Variants in HHAT observed in about 807,000 individuals in gnomAD.
HHAT encodes protein-cysteine N-palmitoyltransferase HHAT.
A neutral mutation model predicts 70.8 loss-of-function variants in HHAT; 47 were observed. The observed-to-expected ratio is 0.66, with a 90% confidence interval of 0.53 to 0.85. The LOEUF (loss-of-function observed/expected upper bound fraction) is 0.85. HHAT is among the 40% of genes least tolerant of loss of function. The pLI, the probability that HHAT is intolerant of heterozygous loss-of-function variation, is 0.00. For missense variants in HHAT, 609 were observed against 604.8 expected (o/e 1.01, Z -0.07); for synonymous variants, 228 against 247.6 (o/e 0.92, Z 0.74).
chr1:210,645,010 T>C (rs1673740889), intron 11 of HHAT, among the ~76,000 whole-genome samples: 1 of 152,212 alleles, frequency 6.6e-6, no homozygotes, highest in Admixed American at 6.5e-5. Context: ...TGCACTTGCC[T>C]GGGCCTTTAA....
intron 3 of HHAT, among the ~76,000 whole-genome samples, chr1:210,383,972 G>A (rs927565002): frequency 1.3e-5 from 2 of 152,148 alleles, no homozygotes; most frequent in Non-Finnish European, 2.9e-5. Flanking sequence ...TCATTGTGGG[G>A]TGTGGTGGTC....
At chr1:210,608,975 AG>A (rs1666063299) in intron 10 of HHAT, among the ~76,000 whole-genome samples, 1 of 152,174 alleles carries the variant, frequency 6.6e-6, no homozygotes, top group Non-Finnish European at 1.5e-5. Context: ...TGCCAAGCGA[AG>A]GGGGAAGAGC....
chr1:210,433,752 A>T (rs1328241232), intron 7 of HHAT, among the ~76,000 whole-genome samples: 1 of 151,760 alleles, frequency 6.6e-6, no homozygotes, highest in Non-Finnish European at 1.5e-5. Flanking sequence ...TTTCAGGGTG[A>T]TGTTGATGAT....
chr1:210,578,675 G>A (rs1008094020), intron 9 of HHAT, among the ~76,000 whole-genome samples: 10 of 152,224 alleles, frequency 6.6e-5, no homozygotes, highest in South Asian at 2.1e-4. Context: ...TTGCAACATC[G>A]TGAATGAACA....
intron 1 of HHAT, among the ~76,000 whole-genome samples, chr1:210,338,315 G>C (rs1388723756): frequency 1.3e-5 from 2 of 152,178 alleles, no homozygotes; most frequent in Admixed American, 6.5e-5. Flanking sequence ...ATTCCAGCCT[G>C]AACAACAGAG....
intron 10 of HHAT, among the ~76,000 whole-genome samples, chr1:210,598,694 G>GA (rs1663566377): frequency 6.6e-6 from 1 of 152,206 alleles, no homozygotes; most frequent in African/African-American, 2.4e-5. Context: ...GCTGCTGTTG[G>GA]AGGATGGAGG....
Position 210,587,968 on chromosome 1 carries a change from T to A in HHAT, c.1114T>A (p.Phe372Ile). The A allele has an allele frequency of 6.2e-7, 1 of 1,614,072 alleles. No homozygotes were observed. Among genetic ancestry groups the A allele is most frequent in the Non-Finnish European group, 8.5e-7 (1 of 1,180,000 alleles). Residue 372 changes from phenylalanine (F) to isoleucine (I), a missense_variant, in exon 10 of 12, where the codon TTT becomes ATT. Phe to Ile is a conservative substitution (Grantham distance 21). Coordinates refer to ENST00000261458, the MANE Select transcript of HHAT (RefSeq NM_018194.6). ...GACACTGTTTTCCACGGCGATGACA[T>A]TTGCATTTGTGAGCTACTGGCATGG... The part of the protein sequence containing the change: ...LGTLFSTAMT[F>I]AFVSYWHGGY...
intron 7 of HHAT, among the ~76,000 whole-genome samples, chr1:210,458,330 A>G (rs2093912400): frequency 6.6e-6 from 1 of 152,204 alleles, no homozygotes; most frequent in Admixed American, 6.5e-5. Context: ...TTCAGCAAAT[A>G]CTCATTGCTT....
chr1:210,375,113 A>G (rs562132221), intron 3 of HHAT, among the ~76,000 whole-genome samples: 2 of 142,794 alleles, frequency 1.4e-5, no homozygotes, highest in East Asian at 3.9e-4. Flanking sequence ...GTGTATATGT[A>G]TATAGTTATA....
intron 6 of HHAT, among the ~76,000 whole-genome samples, chr1:210,408,748 C>T (rs1384143688): frequency 6.6e-6 from 1 of 152,158 alleles, no homozygotes; most frequent in African/African-American, 2.4e-5. Flanking sequence ...CAGTCAATGT[C>T]CCAGAAGCTT....
At chr1:210,372,634 C>T (rs1342846751) in intron 3 of HHAT, among the ~76,000 whole-genome samples, 6 of 152,176 alleles carry the variant, frequency 3.9e-5, no homozygotes, top group Admixed American at 2.0e-4. Context: ...ACGGAAGTTC[C>T]TTCTGAGGCT....
chr1:210,464,621 G>A lies in HHAT; in HGVS notation c.973G>A (p.Val325Met), dbSNP rs766259679. ...CACTCCACCCGCCCTCCCCCGCTGC[G>A]TGAGCACCATGTTCAGTTTCACCGG... Reference protein sequence around the residue: ...GLTPPALPRCVSTMFSFTGMW... With the variant: ...GLTPPALPRCMSTMFSFTGMW... The change falls in exon 8 of 12, where the codon GTG becomes ATG. Residue 325 changes from valine (V) to methionine (M), a missense_variant. Val to Met is a conservative substitution (Grantham distance 21). Coordinates refer to ENST00000261458, the MANE Select transcript of HHAT (RefSeq NM_018194.6). 16 of 1,614,046 alleles carry A rather than the reference G, an allele frequency of 9.9e-6. No individual in the cohort carries two copies. Among genetic ancestry groups the A allele is most frequent in the East Asian group, 4.5e-5 (2 of 44,888 alleles).
At chr1:210,356,083 C>A (rs771693161) in intron 2 of HHAT, among the ~76,000 whole-genome samples, 32 of 144,490 alleles carry the variant, frequency 2.2e-4, no homozygotes, top group Admixed American at 6.1e-4. Context: ...CACTTGCACA[C>A]TTGCTTGGCT....
At chr1:210,332,260 G>T (rs1258459420) in intron 1 of HHAT, among the ~76,000 whole-genome samples, 1 of 152,176 alleles carries the variant, frequency 6.6e-6, no homozygotes, top group Non-Finnish European at 1.5e-5. Flanking sequence ...TTTTCTGATA[G>T]GTAATCATTC....
chr1:210,388,956 T>C (rs1272705166), intron 4 of HHAT, among the ~76,000 whole-genome samples: 2 of 152,218 alleles, frequency 1.3e-5, no homozygotes, highest in Non-Finnish European at 2.9e-5. Context: ...AATTGCATAG[T>C]GGAAGAGTGC....
chr1:210,657,762 G>A (rs1676750198), intron 11 of HHAT, among the ~76,000 whole-genome samples: 1 of 152,174 alleles, frequency 6.6e-6, no homozygotes, highest in Non-Finnish European at 1.5e-5. Context: ...GGTGTGTGGA[G>A]TGCATTCCTG....
chr1:210,598,335 G>A (rs1663482699), intron 10 of HHAT, among the ~76,000 whole-genome samples: 1 of 151,832 alleles, frequency 6.6e-6, no homozygotes, highest in African/African-American at 2.4e-5. Flanking sequence ...GGATGCTCTG[G>A]CTGGTGACTC....
Position 210,418,320 on chromosome 1 carries a change from C to T in HHAT, c.851C>T (p.Thr284Ile). 1 of 1,580,022 alleles carries T rather than the reference C, an allele frequency of 6.3e-7. No homozygotes were observed. The highest frequency in any genetic ancestry group is 8.6e-7 in the Non-Finnish European group (1 of 1,162,080). ...IPLLETVSCWTLGGLALAQVL... is the reference protein window; with the variant it reads ...IPLLETVSCWILGGLALAQVL... The stretch of plus-strand genomic sequence containing the variant: ...CTCCTGGAGACTGTCTCTTGTTGGA[C>T]CTTAGGTAATTGTGGGAATCACCAA... Residue 284 changes from threonine to isoleucine, a missense_variant, in exon 7 of 12, where the codon ACC (threonine) becomes ATC (isoleucine). Physicochemically the swap from Thr to Ile is moderately conservative, Grantham distance 89. Transcript: ENST00000261458.
At chr1:210,529,358 G>GC (rs1408832323) in intron 9 of HHAT, among the ~76,000 whole-genome samples, 1 of 151,578 alleles carries the variant, frequency 6.6e-6, no homozygotes, top group African/African-American at 2.4e-5. Context: ...TTGTTGTTAA[G>GC]CTGATGTACA....
Sources: allele counts gnomAD v4.1 joint callset (sites outside exome capture counted in the v4.1 genomes callset), GRCh38; gene constraint gnomAD v4.1.1; transcripts MANE v1.5; gene names NCBI Gene and HGNC (gene_info 2026-07-23, HGNC 2026-07-21).